The following INTS8 variants were observed in gnomAD, a reference collection of about 807,000 sequenced individuals.
The protein encoded by INTS8 is integrator complex subunit 8, also known as protein kaonashi-1.
INTS8 carries 47 observed loss-of-function variants against 138.9 expected under a neutral mutation model. The observed-to-expected ratio is 0.34, with a 90% CI of 0.27 to 0.43. INTS8 has a LOEUF of 0.43. Among genes scored for constraint, INTS8 ranks in the 20% least tolerant of loss-of-function variants. The pLI, the probability that INTS8 is intolerant of heterozygous loss-of-function variation, is 1.00. For synonymous variants in INTS8, 392 were observed against 400.9 expected (o/e 0.98, Z 0.27); for missense variants, 996 against 1,173.0 (o/e 0.85, Z 2.20).
chr8:94,835,433 A>G (rs1814885537), intron 6 of INTS8, among the ~76,000 whole-genome samples: 1 of 152,212 alleles, frequency 6.6e-6, no homozygotes, highest in South Asian at 2.1e-4. Context: ...ATTCTGTCAT[A>G]GAAACATACG....
At chr8:94,874,450 C>A in intron 22 of INTS8, 102 bp from the exon 23 acceptor site, 1 of 713,262 alleles carries the variant, frequency 1.4e-6, no homozygotes, top group Non-Finnish European at 2.6e-6. Flanking sequence ...CCCCGTTCCT[C>A]CACACACAGC....
intron 5 of INTS8, among the ~76,000 whole-genome samples, chr8:94,830,072 T>A (rs150074541): frequency 0.011 from 1,664 of 152,282 alleles, 30 homozygotes; most frequent in African/African-American, 0.038. Flanking sequence ...ATTTTTTGTA[T>A]TTTTAGTAGA....
At chr8:94,849,826 TA>T (rs1815464304) in intron 11 of INTS8, 89 bp from the exon 12 acceptor site, 3 of 954,986 alleles carry the variant, frequency 3.1e-6, no homozygotes, top group Non-Finnish European at 4.6e-6. Flanking sequence ...GGTGGCTTTT[TA>T]AATGGCTTAT....
chr8:94,844,359 C>T (rs535772705), intron 10 of INTS8, among the ~76,000 whole-genome samples: 21 of 152,172 alleles, frequency 1.4e-4, no homozygotes, highest in African/African-American at 5.1e-4. Context: ...TCTTGTTGCC[C>T]AGGCTGGAGT....
At chr8:94,867,400 A>T (rs1816219473) in intron 20 of INTS8, 63 bp downstream of exon 20, 16 of 1,190,264 alleles carry the variant, frequency 1.3e-5, no homozygotes, top group Non-Finnish European at 2.0e-5. Flanking sequence ...CATTCTGACT[A>T]GTATAGATAC....
chr8:94,862,099 C>T (rs1485264268), intron 16 of INTS8, among the ~76,000 whole-genome samples: 3 of 151,996 alleles, frequency 2.0e-5, no homozygotes, highest in Non-Finnish European at 4.4e-5. Context: ...CACCACCACA[C>T]CCGGGTAGTT....
intron 6 of INTS8, among the ~76,000 whole-genome samples, chr8:94,834,597 G>A (rs566997493): frequency 4.1e-4 from 62 of 151,660 alleles, no homozygotes; most frequent in Non-Finnish European, 6.0e-4. Context: ...CCAGCTACTC[G>A]GCAGGCTGAG....
At chr8:94,856,714 A>G (rs1815759420) in intron 14 of INTS8, 63 bp from the exon 15 acceptor site, 1 of 1,358,872 alleles carries the variant, frequency 7.4e-7, no homozygotes, top group Admixed American at 1.7e-5. Flanking sequence ...CTGTCAACAT[A>G]AAGGCACACA....
chr8:94,877,345 C>T (rs1286767275), intron 26 of INTS8, among the ~76,000 whole-genome samples: 1 of 152,056 alleles, frequency 6.6e-6, no homozygotes, highest in Non-Finnish European at 1.5e-5. Context: ...TGTACTCGGA[C>T]TAAAATATAT....
chr8:94,870,583 A>G (rs1816360995), intron 20 of INTS8, among the ~76,000 whole-genome samples: 1 of 152,238 alleles, frequency 6.6e-6, no homozygotes, highest in African/African-American at 2.4e-5. Context: ...TACTTGATAT[A>G]TAGAATTCTT....
At chr8:94,842,315 A>G in intron 9 of INTS8, 32 bp from the exon 10 acceptor site, 1 of 1,432,934 alleles carries the variant, frequency 7.0e-7, no homozygotes, top group Non-Finnish European at 9.6e-7. Context: ...TAGTAAAAAT[A>G]ACATTAGTTG....
chr8:94,823,626 T>TCCCCG (rs1563635941), intron 1 of INTS8, 65 bp downstream of exon 1: 29 of 1,306,468 alleles, frequency 2.2e-5, no homozygotes, highest in Non-Finnish European at 2.9e-5. Flanking sequence ...CCAGCTTCCC[T>TCCCCG]CCGCTCCCCG....
At chr8:94,873,217 G>T (rs1323969901) in intron 21 of INTS8, among the ~76,000 whole-genome samples, 157 bp from the exon 22 acceptor site, 2 of 152,182 alleles carry the variant, frequency 1.3e-5, no homozygotes, top group African/African-American at 2.4e-5. Flanking sequence ...TTCTGTACTA[G>T]GACATTTGGC....
At position 94,868,295 on chromosome 8, in the gene INTS8, C is replaced by T. The variant is rs1195538051; in HGVS notation, c.2414+958C>T. Among the ~76,000 whole-genome samples the T allele has an allele frequency of 2.0e-5, 3 of 152,284 alleles. No homozygotes were observed. The East Asian group carries it at 5.8e-4, about 29-fold the overall frequency. On this transcript the variant is annotated intron_variant, in intron 20 of 26. Transcript: ENST00000523731. ...CCTCCCTGCCCTCCCTCTCAGTCTT[C>T]TTAGTTTGTGCTTGTCCAAGCCTTA... is the stretch of plus-strand genomic sequence containing the variant.
At chr8:94,849,354 C>T in intron 10 of INTS8, 108 bp from the exon 11 acceptor site, 3 of 684,998 alleles carry the variant, frequency 4.4e-6, no homozygotes, top group Non-Finnish European at 5.2e-6. Context: ...GTGATTGGTA[C>T]ATTGTTGAAA....
chr8:94,848,802 ATATT>A (rs1179970680), intron 10 of INTS8, among the ~76,000 whole-genome samples: 2 of 152,196 alleles, frequency 1.3e-5, no homozygotes, highest in African/African-American at 4.8e-5. Flanking sequence ...AACGTAAAAA[ATATT>A]TAGCAATTTC....
At chr8:94,859,828 C>T in intron 16 of INTS8, 196 bp downstream of exon 16, 1 of 510,306 alleles carries the variant, frequency 2.0e-6, no homozygotes, top group Non-Finnish European at 3.5e-6. Context: ...TTCTAATGCC[C>T]TGTAATTCAT....
intron 15 of INTS8, among the ~76,000 whole-genome samples, chr8:94,857,653 T>C (rs1372051988): frequency 6.6e-6 from 1 of 152,202 alleles, no homozygotes; most frequent in Non-Finnish European, 1.5e-5. Context: ...GACCCAGCAA[T>C]CTTTGGCTTG....
chr8:94,862,179 T>C (rs1015821343), intron 16 of INTS8, among the ~76,000 whole-genome samples: 2 of 151,864 alleles, frequency 1.3e-5, no homozygotes, highest in African/African-American at 4.8e-5. Context: ...TGACCTCAGG[T>C]GATCCCCCCG....
Sources: gnomAD v4.1 joint callset for allele counts (sites outside exome capture counted in the v4.1 genomes callset) on GRCh38, gnomAD v4.1.1 for gene constraint, MANE v1.5 for transcripts, NCBI Gene and HGNC (gene_info 2026-07-23, HGNC 2026-07-21) for gene names.